The following MERTK variants were observed in gnomAD, a reference collection of about 807,000 sequenced individuals.
MERTK encodes the protein MER proto-oncogene, tyrosine kinase, also known as tyrosine-protein kinase Mer.
Under a neutral mutation model 99.3 loss-of-function variants are expected in MERTK, and 69 were observed. The observed-to-expected ratio is 0.70, with a 90% CI of 0.57 to 0.85. The LOEUF (loss-of-function observed/expected upper bound fraction) is 0.85, where lower values mean the gene tolerates loss of function less well. Among genes scored for constraint, MERTK ranks in the 40% least tolerant of loss-of-function variants. MERTK has a pLI of 0.00. For missense variants in MERTK, 1,125 were observed against 1,249.4 expected, an observed-to-expected ratio of 0.90 and a Z score of 1.50; for synonymous variants, 426 against 467.6, an observed-to-expected ratio of 0.91 and a Z score of 1.15.
At chr2:111,963,718 TTC>T (rs1685301529) in intron 4 of MERTK, among the ~76,000 whole-genome samples, 1 of 152,126 alleles carries the variant, frequency 6.6e-6, no homozygotes, top group Non-Finnish European at 1.5e-5. Flanking sequence ...GCCGAAGAAT[TTC>T]TCTTAGTACA....
intron 4 of MERTK, among the ~76,000 whole-genome samples, chr2:111,963,157 A>G (rs1685284948): frequency 6.6e-6 from 1 of 152,200 alleles, no homozygotes; most frequent in South Asian, 2.1e-4. Flanking sequence ...TGTGCTTTAG[A>G]TATGCATACA....
intron 1 of MERTK, among the ~76,000 whole-genome samples, chr2:111,902,219 A>C (rs150231222): frequency 6.6e-6 from 1 of 152,186 alleles, no homozygotes; most frequent in Admixed American, 6.5e-5. Context: ...TTTTTGAAAT[A>C]ATTTCCAGAT....
chr2:111,903,861 C>G (rs1288416348), intron 1 of MERTK, among the ~76,000 whole-genome samples: 1 of 152,154 alleles, frequency 6.6e-6, no homozygotes, highest in Non-Finnish European at 1.5e-5. Flanking sequence ...ATATATTTGC[C>G]ATTATTACCA....
intron 1 of MERTK, among the ~76,000 whole-genome samples, chr2:111,918,461 C>A (rs758355567): frequency 6.6e-6 from 1 of 151,950 alleles, no homozygotes; most frequent in Non-Finnish European, 1.5e-5. Context: ...CACAGTTGGG[C>A]CTCCGGCAGT....
At chr2:111,987,851 G>A (rs1185291182) in intron 8 of MERTK, among the ~76,000 whole-genome samples, 2 of 152,072 alleles carry the variant, frequency 1.3e-5, no homozygotes, top group Non-Finnish European at 2.9e-5. Context: ...ATTTTTATAC[G>A]TGCGGTTTTT....
chr2:111,991,848 A>G (rs1490095150), intron 8 of MERTK, among the ~76,000 whole-genome samples: 1 of 152,146 alleles, frequency 6.6e-6, no homozygotes, highest in East Asian at 1.9e-4. Flanking sequence ...GACTAAAACA[A>G]CAAGCATATC....
chr2:111,944,533 A>AATCCTTAAAATAATTCCTCT (rs1265922025), intron 2 of MERTK, among the ~76,000 whole-genome samples: 1 of 151,258 alleles, frequency 6.6e-6, no homozygotes, highest in African/African-American at 2.4e-5. Context: ...TTAAGGAATT[A>AATCCTTAAAATAATTCCTCT]GCTCACACAC....
intron 15 of MERTK, among the ~76,000 whole-genome samples, chr2:112,016,662 A>AC (rs1397542012): frequency 1.3e-5 from 2 of 152,090 alleles, no homozygotes; most frequent in Admixed American, 1.3e-4. Flanking sequence ...ATGAGACATG[A>AC]CCCCCAGTTC....
intron 18 of MERTK, among the ~76,000 whole-genome samples, chr2:112,027,331 T>C (rs1240845567): frequency 6.6e-6 from 1 of 151,492 alleles, no homozygotes; most frequent in African/African-American, 2.4e-5. Flanking sequence ...CACACACATA[T>C]GGCATATATA....
At chr2:112,004,066 AATCTCAGTTCCC>A in intron 13 of MERTK, 82 bp downstream of exon 13, 2 of 1,260,472 alleles carry the variant, frequency 1.6e-6, no homozygotes, top group Non-Finnish European at 2.3e-6. Flanking sequence ...CATATGTCAC[AATCTCAGTTCCC>A]AGTGGGCCAG....
chr2:112,007,310 A>G (rs1043903014), intron 13 of MERTK, among the ~76,000 whole-genome samples: 2 of 152,030 alleles, frequency 1.3e-5, no homozygotes, highest in African/African-American at 4.8e-5. Context: ...GCCCGCCACC[A>G]CGCCCGCCTA....
In MERTK at chr2:112,028,723, G is replaced by T; in HGVS notation, c.2859G>T (p.Lys953Asn). 5 of 1,614,174 alleles carry T rather than the reference G, an allele frequency of 3.1e-6. No individual in the cohort carries two copies. In the South Asian group the frequency reaches 4.4e-5, roughly 14 times the overall value. Residue 953 changes from lysine (K) to asparagine (N), a missense_variant, in exon 19 of 19, where the codon AAG becomes AAT. Lys to Asn is a moderately conservative substitution (Grantham distance 94). Coordinates refer to ENST00000295408, the MANE Select transcript of MERTK (RefSeq NM_006343.3). ...SAPSAAVTAE[K>N]NSVLPGERLV... ...CCTCTGCTGCAGTCACAGCTGAAAA[G>T]AACAGTGTTTTACCGGGGGAGAGAC...
At chr2:111,940,012 G>T (rs1684832717) in intron 2 of MERTK, among the ~76,000 whole-genome samples, 1 of 151,764 alleles carries the variant, frequency 6.6e-6, no homozygotes, top group African/African-American at 2.4e-5. Context: ...TGGGTCTGGG[G>T]TCCAGCTATC....
intron 8 of MERTK, among the ~76,000 whole-genome samples, chr2:111,988,939 A>G (rs1297656979): frequency 6.6e-6 from 1 of 152,032 alleles, no homozygotes; most frequent in Non-Finnish European, 1.5e-5. Context: ...ACAGAGCGAG[A>G]CTCCATTTCA....
intron 4 of MERTK, among the ~76,000 whole-genome samples, chr2:111,964,152 A>G (rs1685312974): frequency 1.3e-5 from 2 of 151,124 alleles, no homozygotes; most frequent in African/African-American, 4.9e-5. Flanking sequence ...AGAATATCCA[A>G]TAAACTATTT....
intron 10 of MERTK, among the ~76,000 whole-genome samples, chr2:111,998,878 T>A (rs960741472): frequency 2.0e-5 from 3 of 152,254 alleles, no homozygotes; most frequent in Admixed American, 6.5e-5. Context: ...GTTATTGTTA[T>A]CTATGTCGAA....
chr2:111,929,714 G>A lies in MERTK; in HGVS notation c.482+174G>A, dbSNP rs1007845219. On this transcript the variant is annotated intron_variant, in intron 2 of 18. Transcript: ENST00000295408. Reference sequence around the variant, plus strand: ...CGATTCTCCTGCCTCAGCCTCCGGCGTAGCTGGGATTACAGGCGCCCACCA... The same window carrying A: ...CGATTCTCCTGCCTCAGCCTCCGGCATAGCTGGGATTACAGGCGCCCACCA... Among the ~76,000 whole-genome samples, 7 of 150,860 alleles carry A rather than the reference G, an allele frequency of 4.6e-5. No individual in the cohort carries two copies. The South Asian group carries it at 6.3e-4, about 14-fold the overall frequency.
At chr2:112,004,463 AAG>A (rs1558804123) in intron 13 of MERTK, among the ~76,000 whole-genome samples, 2 of 152,182 alleles carry the variant, frequency 1.3e-5, no homozygotes, top group African/African-American at 4.8e-5. Flanking sequence ...GTTCCCCAGA[AAG>A]AGGAGAAATA....
At chr2:111,950,435 G>A (rs961515733) in intron 4 of MERTK, among the ~76,000 whole-genome samples, 1 of 152,160 alleles carries the variant, frequency 6.6e-6, no homozygotes, top group Non-Finnish European at 1.5e-5. Context: ...GAGAGGAATT[G>A]CTGCTTCATA....
Sources: gnomAD v4.1 joint callset for allele counts (sites outside exome capture counted in the v4.1 genomes callset) on GRCh38, gnomAD v4.1.1 for gene constraint, MANE v1.5 for transcripts, NCBI Gene and HGNC (gene_info 2026-07-23, HGNC 2026-07-21) for gene names.